SLC38A10: variants seen among roughly 807,000 people sequenced by gnomAD.
The protein encoded by SLC38A10 is Sodium-coupled neutral amino acid transporter 10.
A neutral mutation model predicts 81.0 loss-of-function variants in SLC38A10; 53 were observed. That is an observed-to-expected ratio of 0.65 (90% CI 0.53 to 0.82). The LOEUF is 0.82. SLC38A10 is among the 40% of genes least tolerant of loss of function. SLC38A10 has a pLI of 0.00. For missense variants in SLC38A10, 1,471 were observed against 1,545.0 expected (o/e 0.95, Z 0.80); for synonymous variants, 665 against 655.3 (o/e 1.01, Z -0.23).
rs143235981 is a variant in SLC38A10, at chr17:81,284,301, G to A, written c.263+549C>T. 7.1e-3 allele frequency among the ~76,000 whole-genome samples: 1,083 copies of A among 152,198 alleles called. 15 individuals are homozygous for A. Among genetic ancestry groups the A allele is most frequent in the African/African-American group, 0.025 (1,025 of 41,526 alleles). On this transcript the variant is annotated intron_variant, in intron 3 of 15. Transcript: ENST00000374759. Reference sequence around the variant, plus strand: ...TAAACCTGGGAGGTTGCAGTGAGCCGAGATCACAGCATTGCACTCCAGCCT... The same window carrying A: ...TAAACCTGGGAGGTTGCAGTGAGCCAAGATCACAGCATTGCACTCCAGCCT...
chr17:81,251,057 G>A (rs1186342378), intron 14 of SLC38A10: 54 of 1,444,706 alleles, frequency 3.7e-5, no homozygotes, highest in Non-Finnish European at 2.5e-5. Context: ...CCCAAACTGG[G>A]TCCCCTTGGG....
chr17:81,285,311 AG>A (rs1468640040), intron 2 of SLC38A10: 1 of 167,818 alleles, frequency 6.0e-6, no homozygotes, highest in African/African-American at 2.4e-5. Context: ...CAGGTACCCG[AG>A]CGCCACAGCC....
At chr17:81,261,015 A>G (rs1272271450) in intron 10 of SLC38A10, among the ~76,000 whole-genome samples, 1 of 152,170 alleles carries the variant, frequency 6.6e-6, no homozygotes, top group Non-Finnish European at 1.5e-5. Context: ...GGCACGGGGG[A>G]CAGAAATGGC....
intron 5 of SLC38A10, among the ~76,000 whole-genome samples, chr17:81,280,960 G>A (rs2063207035): frequency 6.6e-6 from 1 of 152,174 alleles, no homozygotes; most frequent in African/African-American, 2.4e-5. Context: ...AGAGCACCCT[G>A]GTTCATCCCG....
intron 11 of SLC38A10, among the ~76,000 whole-genome samples, chr17:81,259,033 T>C (rs979980725): frequency 1.3e-5 from 2 of 152,124 alleles, no homozygotes; most frequent in Non-Finnish European, 2.9e-5. Context: ...TCGGGGCAGT[T>C]TGTATGAGGT....
intron 2 of SLC38A10, chr17:81,285,129 C>G (rs945430854): frequency 7.1e-6 from 3 of 420,746 alleles, no homozygotes; most frequent in Non-Finnish European, 1.3e-5. Flanking sequence ...GCAGGTTCTT[C>G]TTTCACTCAA....
At position 81,250,467 on chromosome 17, in the gene SLC38A10, T is replaced by C. The variant is rs77338874; in HGVS notation, c.2065+1026A>G. Among the ~76,000 whole-genome samples the C allele has an allele frequency of 7.3e-3, 1,105 of 152,330 alleles. 14 individuals carry two copies. The highest frequency in any genetic ancestry group is 0.025 in the African/African-American group (1,048 of 41,584). On this transcript the variant is annotated intron_variant, in intron 14 of 15. Coordinates refer to ENST00000374759, the MANE Select transcript of SLC38A10 (RefSeq NM_001037984.3). ...GATGCGCGGGCAGGAAGCGTGTGTCTTACGAACATCCTGGGAGGTGCCCGT... is the reference window on the plus strand; with the variant it reads ...GATGCGCGGGCAGGAAGCGTGTGTCCTACGAACATCCTGGGAGGTGCCCGT...
At chr17:81,268,718 CAAAGAAAGT>C (rs886719542) in intron 10 of SLC38A10, among the ~76,000 whole-genome samples, 3 of 151,938 alleles carry the variant, frequency 2.0e-5, no homozygotes, top group African/African-American at 7.3e-5. Flanking sequence ...TTGATTGATC[CAAAGAAAGT>C]AAAAGCAAAA....
chr17:81,271,827 C>T (rs958544423), intron 9 of SLC38A10, among the ~76,000 whole-genome samples: 2 of 148,538 alleles, frequency 1.3e-5, no homozygotes, highest in Non-Finnish European at 3.0e-5. Context: ...CCCAGGTTCA[C>T]GCCATTCTCC....
At chr17:81,294,037 G>A (rs1051225963) in intron 1 of SLC38A10, among the ~76,000 whole-genome samples, 3 of 152,060 alleles carry the variant, frequency 2.0e-5, no homozygotes, top group African/African-American at 4.8e-5. Flanking sequence ...TTTTTGAGAC[G>A]GAGTCTCCCT....
rs151017553 is a variant in SLC38A10 at position 81,252,389 on chromosome 17, T to C, written c.1751A>G (p.Asp584Gly). The C allele has an allele frequency of 5.4e-4, 871 of 1,613,170 alleles. No homozygotes were observed. The highest frequency in any genetic ancestry group is 6.6e-4 in the Non-Finnish European group (780 of 1,180,008). ...PEDPQKVPEA[D>G]GQPAVQPAKE... Reference sequence around the variant, plus strand: ...TGCAGGCTGGACAGCTGGCTGACCATCTGCTTCTGGAACTTTCTGGGGATC... The same window carrying C: ...TGCAGGCTGGACAGCTGGCTGACCACCTGCTTCTGGAACTTTCTGGGGATC... The change falls in exon 13 of 16, where the codon GAT becomes GGT. Residue 584 changes from aspartate to glycine, a missense_variant. Asp to Gly is a moderately conservative substitution (Grantham distance 94, BLOSUM62 -1). Around this residue, in one of 2 missense-constraint regions of SLC38A10, gnomAD observed 720 missense variants for 827.7 expected, o/e 0.87. Coordinates refer to ENST00000374759, the MANE Select transcript of SLC38A10 (RefSeq NM_001037984.3).
intron 14 of SLC38A10, among the ~76,000 whole-genome samples, chr17:81,247,993 T>TG (rs1491520685): frequency 2.3e-4 from 29 of 126,388 alleles, no homozygotes; most frequent in African/African-American, 7.5e-4. Flanking sequence ...AGTCTCACTC[T>TG]GTCACCCAGG....
intron 10 of SLC38A10, among the ~76,000 whole-genome samples, chr17:81,268,390 C>A (rs1567936496): frequency 6.6e-6 from 1 of 152,028 alleles, no homozygotes; most frequent in African/African-American, 2.4e-5. Context: ...ATACTTTTTT[C>A]TTTTTCTTCT....
chr17:81,266,618 CAAAAAAA>C (rs57854082), intron 10 of SLC38A10, among the ~76,000 whole-genome samples: 4 of 82,112 alleles, frequency 4.9e-5, no homozygotes, highest in Non-Finnish European at 1.0e-4. Context: ...GACTCCATCT[CAAAAAAA>C]AAAAAAAGAA....
rs185993742 is a variant in SLC38A10, at chr17:81,274,292, C to T, written c.913-1665G>A. Among the ~76,000 whole-genome samples, 5 of 152,320 alleles carry T rather than the reference C, an allele frequency of 3.3e-5. No homozygotes were observed. In the East Asian group the frequency reaches 7.7e-4, roughly 24 times the overall value. The stretch of plus-strand genomic sequence containing the variant: ...AGTCTTTGGTGCTTGGCCTCTGCTG[C>T]GAAGCCAGAGGCACGTGGCTGGTGG... On this transcript the variant is annotated intron_variant, in intron 8 of 15. Transcript: ENST00000374759.
At chr17:81,251,648 G>C in intron 13 of SLC38A10, 36 bp from the exon 14 acceptor site, 1 of 1,461,262 alleles carries the variant, frequency 6.8e-7, no homozygotes, top group Non-Finnish European at 9.0e-7. Flanking sequence ...GGTTTTGCAG[G>C]AAAGTCAAGG....
In SLC38A10 at chr17:81,245,790, T is replaced by C; in HGVS notation, c.3126A>G (p.Lys1042=). Residue 1042 remains lysine (K), a synonymous_variant, in exon 16 of 16, where the codon AAA becomes AAG. Transcript: ENST00000374759. ...PDNAKPNRDL[K]LQAGSDLRRR... is the part of the protein sequence containing the mutation. ...TCCGGAGGTCGGAGCCAGCCTGCAGTTTCAGGTCCCGGTTGGGCTTGGCAT... is the reference window on the plus strand; with the variant it reads ...TCCGGAGGTCGGAGCCAGCCTGCAGCTTCAGGTCCCGGTTGGGCTTGGCAT... The C allele has an allele frequency of 6.2e-7, 1 of 1,600,544 alleles. No homozygotes were observed. Among genetic ancestry groups the C allele is most frequent in the Non-Finnish European group, 8.5e-7 (1 of 1,170,434 alleles).
At chr17:81,258,031 G>A (rs1314244094) in intron 11 of SLC38A10, among the ~76,000 whole-genome samples, 9 of 152,238 alleles carry the variant, frequency 5.9e-5, no homozygotes, top group Admixed American at 5.9e-4. Context: ...ATGAGCCTTT[G>A]CAGGGACTCA....
intron 11 of SLC38A10, 78 bp downstream of exon 11, chr17:81,260,160 A>T: frequency 6.7e-7 from 1 of 1,493,182 alleles, no homozygotes; most frequent in Non-Finnish European, 9.0e-7. Context: ...GCAGGTAAGC[A>T]CAATCCTCGG....
Sources: allele counts gnomAD v4.1 joint callset (sites outside exome capture counted in the v4.1 genomes callset), GRCh38; gene constraint gnomAD v4.1.1; regional missense constraint gnomAD v4.1.1; transcripts MANE v1.5; gene names NCBI Gene and HGNC (gene_info 2026-07-23, HGNC 2026-07-21).